Variants in UBE2L3 observed in about 807,000 individuals in gnomAD.
UBE2L3 encodes ubiquitin conjugating enzyme E2 L3, also known as ubiquitin-conjugating enzyme E2 L3.
A neutral mutation model predicts 17.8 loss-of-function variants in UBE2L3; 1 was observed. That is an observed-to-expected ratio of 0.06 (90% CI 0.02 to 0.27). The LOEUF is 0.27. Ranked by LOEUF, UBE2L3 falls within the 10% of genes least tolerant of loss-of-function variation. The pLI, the probability that UBE2L3 is intolerant of heterozygous loss-of-function variation, is 1.00. For missense variants in UBE2L3, 40 were observed against 192.6 expected (o/e 0.21, Z 4.69); for synonymous variants, 44 against 68.5 (o/e 0.64, Z 1.76).
chr22:21,590,643 C>T (rs1928206430), intron 1 of UBE2L3, among the ~76,000 whole-genome samples: 1 of 152,136 alleles, frequency 6.6e-6, no homozygotes, highest in Admixed American at 6.6e-5. Context: ...TTTCAAAGTT[C>T]TGTGTGGCAT....
intron 1 of UBE2L3, among the ~76,000 whole-genome samples, chr22:21,588,318 T>C (rs1928058898): frequency 6.6e-6 from 1 of 152,160 alleles, no homozygotes; most frequent in African/African-American, 2.4e-5. Context: ...TCCCTAATTC[T>C]TCACTGTCAG....
At chr22:21,618,360 C>T (rs1212330231) in intron 3 of UBE2L3, among the ~76,000 whole-genome samples, 1 of 151,858 alleles carries the variant, frequency 6.6e-6, no homozygotes, top group Admixed American at 6.6e-5. Context: ...GTCAGGAGAT[C>T]GAGACCATCC....
rs574698134 is a variant in UBE2L3, at chr22:21,568,056, C to T, written c.27+285C>T. The T allele has an allele frequency of 1.7e-5, 21 of 1,267,132 alleles. No homozygotes were observed. In the Admixed American group the frequency reaches 1.8e-4, roughly 11 times the overall value. 78.5% of individuals were successfully genotyped at this position (1,267,132 alleles called of 1,614,324 possible). On this transcript the variant is annotated intron_variant, in intron 1 of 3. Coordinates refer to ENST00000342192, the MANE Select transcript of UBE2L3 (RefSeq NM_003347.4). Reference sequence around the variant, plus strand: ...GGAGCTTGGCCGCGTCCCCCTGTCGCGGAGGCCGCGGTCCGATCTGAGGGC... The same window carrying T: ...GGAGCTTGGCCGCGTCCCCCTGTCGTGGAGGCCGCGGTCCGATCTGAGGGC...
At chr22:21,552,193 C>T (rs1363553557) in intron 1 of UBE2L3, among the ~76,000 whole-genome samples, 29 of 152,332 alleles carry the variant, frequency 1.9e-4, no homozygotes, top group African/African-American at 6.3e-4. Context: ...TGCATCGAGA[C>T]ATTGATTTTG....
intron 1 of UBE2L3, among the ~76,000 whole-genome samples, chr22:21,574,143 G>A (rs1238940399): frequency 1.3e-5 from 2 of 152,094 alleles, no homozygotes; most frequent in Admixed American, 1.3e-4. Flanking sequence ...GTTCTTGGGG[G>A]ACATAAATAA....
chr22:21,558,372 C>A (rs2148390001), intron 1 of UBE2L3, among the ~76,000 whole-genome samples: 1 of 152,390 alleles, frequency 6.6e-6, no homozygotes, highest in African/African-American at 2.4e-5. Flanking sequence ...GTGGCTTACG[C>A]CTGTAATCCC....
At chr22:21,597,234 C>G (rs924029111) in intron 2 of UBE2L3, among the ~76,000 whole-genome samples, 1 of 152,162 alleles carries the variant, frequency 6.6e-6, no homozygotes, top group Non-Finnish European at 1.5e-5. Flanking sequence ...TCCGCCTCAG[C>G]CTACCAAAGT....
intron 2 of UBE2L3, among the ~76,000 whole-genome samples, chr22:21,599,597 C>T (rs1374602419): frequency 6.6e-6 from 1 of 152,126 alleles, no homozygotes; most frequent in African/African-American, 2.4e-5. Flanking sequence ...AATATCTGGA[C>T]TGCATAGTGG....
intron 1 of UBE2L3, among the ~76,000 whole-genome samples, chr22:21,590,800 A>T (rs914272275): frequency 6.6e-6 from 1 of 152,114 alleles, no homozygotes; most frequent in African/African-American, 2.4e-5. Context: ...ACAGCATTGG[A>T]ACTGTATTTA....
chr22:21,571,653 A>G (rs550174134), intron 1 of UBE2L3, among the ~76,000 whole-genome samples: 39 of 152,136 alleles, frequency 2.6e-4, no homozygotes, highest in Non-Finnish European at 5.3e-4. Context: ...CTGCCCGCCG[A>G]GGCCTCCCGA....
At chr22:21,596,097 C>T (rs866350544) in intron 2 of UBE2L3, among the ~76,000 whole-genome samples, 1 of 152,092 alleles carries the variant, frequency 6.6e-6, no homozygotes, top group African/African-American at 2.4e-5. Flanking sequence ...GTCTCTTGAC[C>T]TTGTGATCCA....
chr22:21,615,360 C>T (rs1929710414), intron 3 of UBE2L3, among the ~76,000 whole-genome samples: 1 of 151,756 alleles, frequency 6.6e-6, no homozygotes, highest in African/African-American at 2.4e-5. Context: ...TTGAGACCAT[C>T]CTGGCTAACA....
At chr22:21,591,790 A>T (rs1186243330) in intron 1 of UBE2L3, among the ~76,000 whole-genome samples, 1 of 152,190 alleles carries the variant, frequency 6.6e-6, no homozygotes, top group Non-Finnish European at 1.5e-5. Context: ...GGCAGGGCTC[A>T]GCTGGATGGT....
At chr22:21,593,733 C>G (rs562582935) in intron 2 of UBE2L3, among the ~76,000 whole-genome samples, 1 of 152,312 alleles carries the variant, frequency 6.6e-6, no homozygotes, top group East Asian at 1.9e-4. Context: ...TGTTGTCACA[C>G]CTCTAGCTCG....
intron 3 of UBE2L3, chr22:21,614,445 G>T: frequency 9.4e-6 from 5 of 534,624 alleles, no homozygotes; most frequent in Non-Finnish European, 1.6e-5. Flanking sequence ...AAAAAAGAAA[G>T]AAAGAAAGGG....
intron 3 of UBE2L3, among the ~76,000 whole-genome samples, chr22:21,611,543 AG>A (rs1336318531): frequency 1.3e-5 from 2 of 152,186 alleles, no homozygotes; most frequent in African/African-American, 4.8e-5. Context: ...GGCAGATGTA[AG>A]GGCAGTATTC....
chr22:21,562,476 A>G (rs1926477436), intron 1 of UBE2L3, among the ~76,000 whole-genome samples: 1 of 150,214 alleles, frequency 6.7e-6, no homozygotes, highest in African/African-American at 2.5e-5. Flanking sequence ...GGTTCATGCC[A>G]TTCTCCTGCC....
chr22:21,595,485 C>T (rs913760453), intron 2 of UBE2L3, among the ~76,000 whole-genome samples: 1 of 152,182 alleles, frequency 6.6e-6, no homozygotes, highest in African/African-American at 2.4e-5. Flanking sequence ...GAAGGCATGG[C>T]AGCCCAGCCC....
intron 2 of UBE2L3, among the ~76,000 whole-genome samples, chr22:21,598,736 G>A (rs1248951099): frequency 6.6e-6 from 1 of 151,494 alleles, no homozygotes; most frequent in African/African-American, 2.4e-5. Flanking sequence ...TTCTCCCTGT[G>A]TTGCCCAGGC....
Sources: allele counts gnomAD v4.1 joint callset (sites outside exome capture counted in the v4.1 genomes callset), GRCh38; gene constraint gnomAD v4.1.1; transcripts MANE v1.5; gene names NCBI Gene and HGNC (gene_info 2026-07-23, HGNC 2026-07-21).